GRHL2: variants seen among roughly 807,000 people sequenced by gnomAD.
The protein encoded by GRHL2 is grainyhead-like protein 2 homolog.
Under a neutral mutation model 83.8 loss-of-function variants are expected in GRHL2, and 21 were observed. That is an observed-to-expected ratio of 0.25 (90% CI 0.18 to 0.36). The LOEUF (loss-of-function observed/expected upper bound fraction) is 0.36, where lower values mean the gene tolerates loss of function less well. Among genes scored for constraint, GRHL2 ranks in the 10% least tolerant of loss-of-function variants. The pLI is 1.00. For synonymous variants in GRHL2, 280 were observed against 278.9 expected (o/e 1.00, Z -0.04); for missense variants, 623 against 781.8 (o/e 0.80, Z 2.42).
intron 1 of GRHL2, among the ~76,000 whole-genome samples, chr8:101,533,490 C>T (rs150623423): frequency 7.2e-5 from 11 of 152,238 alleles, no homozygotes; most frequent in Non-Finnish European, 1.5e-4. Context: ...TATTCATGAA[C>T]AAAACAACCC....
intron 7 of GRHL2, among the ~76,000 whole-genome samples, chr8:101,579,955 A>G (rs1234286284): frequency 6.6e-6 from 1 of 152,204 alleles, no homozygotes; most frequent in Non-Finnish European, 1.5e-5. Flanking sequence ...CTAATGGCCT[A>G]AAAAATAAAA....
chr8:101,517,782 TC>T (rs1472653526), intron 1 of GRHL2, among the ~76,000 whole-genome samples: 1 of 152,192 alleles, frequency 6.6e-6, no homozygotes, highest in Non-Finnish European at 1.5e-5. Context: ...CAGCTATAGT[TC>T]CTAGAAAGCT....
chr8:101,582,670 G>A (rs143636977), intron 7 of GRHL2, among the ~76,000 whole-genome samples: 1,689 of 152,254 alleles, frequency 0.011, 21 homozygotes, highest in Non-Finnish European at 0.017. Context: ...AGAGCTGCAG[G>A]TAGAATGTTA....
At chr8:101,537,210 G>A (rs1249727590) in intron 1 of GRHL2, among the ~76,000 whole-genome samples, 2 of 152,026 alleles carry the variant, frequency 1.3e-5, no homozygotes, top group African/African-American at 4.8e-5. Context: ...ATGACAAAAG[G>A]ATTCTATGTA....
At position 101,545,870 on chromosome 8, in the gene GRHL2, A is replaced by ATTTTTTTTTTTTTT. The variant is rs1174568425; in HGVS notation, c.216+2451_216+2464dup. 2.8e-4 allele frequency among the ~76,000 whole-genome samples: 23 copies of ATTTTTTTTTTTTTT among 83,634 alleles called. 5 individuals are homozygous for ATTTTTTTTTTTTTT. The highest frequency in any genetic ancestry group is 2.1e-3 in the East Asian group (6 of 2,834). The allele number at this position is 83,634 out of a possible 152,430, so 54.9% of individuals were successfully genotyped here. A position where few individuals can be genotyped will look rare whatever the true frequency, so the allele number is the denominator to read the frequency against. On this transcript the variant is annotated intron_variant, in intron 2 of 15. Coordinates refer to ENST00000646743, the MANE Select transcript of GRHL2 (RefSeq NM_024915.4). The stretch of plus-strand genomic sequence containing the variant: ...GATCATTACAACTTCTCTTTGTAAC[A>ATTTTTTTTTTTTTT]TTTTTTTTTTTTTTTTTTTTTTTTT...
At chr8:101,675,606 A>G in the GRHL2 span, among the ~76,000 whole-genome samples, 5 of 152,180 alleles carry the variant, frequency 3.3e-5, no homozygotes, top group Admixed American at 3.3e-4. Context: ...GGTAGGAAGA[A>G]TCAATATCGT....
At chr8:101,534,180 C>A (rs550525749) in intron 1 of GRHL2, among the ~76,000 whole-genome samples, 147 of 152,312 alleles carry the variant, frequency 9.7e-4, no homozygotes, top group Admixed American at 2.0e-3. Context: ...CATTCATGAT[C>A]TCATGCACTT....
intron 8 of GRHL2, among the ~76,000 whole-genome samples, chr8:101,615,958 G>A (rs1398267828): frequency 3.3e-5 from 5 of 152,116 alleles, no homozygotes; most frequent in Non-Finnish European, 5.9e-5. Context: ...ATTGTAGTGG[G>A]CAAAATACTT....
chr8:101,676,792 C>G, the GRHL2 span, among the ~76,000 whole-genome samples: 1 of 152,120 alleles, frequency 6.6e-6, no homozygotes, highest in Admixed American at 6.5e-5. Flanking sequence ...TTCACAATAG[C>G]AAAGACTTGG....
At chr8:101,671,560 AC>A (rs765141038), downstream of GRHL2, among the ~76,000 whole-genome samples, 19 of 152,202 alleles carry the variant, frequency 1.2e-4, no homozygotes, top group Admixed American at 1.3e-4. Flanking sequence ...GGAGCCTACC[AC>A]AGCTCAAGGA....
Position 101,558,253 on chromosome 8 carries a change from T to C in GRHL2, c.285-166T>C, listed in dbSNP as rs555619746. On this transcript the variant is annotated intron_variant, in intron 3 of 15. Coordinates refer to ENST00000646743, the MANE Select transcript of GRHL2 (RefSeq NM_024915.4). ...CATGGCTCACTCGTGGTCCTACTTC[T>C]AGTGACGCAAGGATCCCATTGCGTT... Among the ~76,000 whole-genome samples the C allele has an allele frequency of 1.4e-4, 22 of 152,344 alleles. No individual in the cohort carries two copies. In the South Asian group the frequency reaches 2.9e-3, roughly 20 times the overall value.
chr8:101,519,242 TG>T (rs919179352), intron 1 of GRHL2, among the ~76,000 whole-genome samples: 1 of 152,022 alleles, frequency 6.6e-6, no homozygotes, highest in African/African-American at 2.4e-5. Context: ...AGGCTGATCT[TG>T]AACTCCTGGC....
chr8:101,492,842 G>A, intron 1 of GRHL2, 53 bp downstream of exon 1: 1 of 1,547,350 alleles, frequency 6.5e-7, no homozygotes. Context: ...TTGGGCTGAT[G>A]GCAACTGGTT....
At chr8:101,622,132 C>T (rs1354041886) in intron 9 of GRHL2, among the ~76,000 whole-genome samples, 4 of 152,050 alleles carry the variant, frequency 2.6e-5, no homozygotes, top group African/African-American at 9.7e-5. Context: ...CTTTGGGCAT[C>T]TAAGTAAATA....
At chr8:101,536,603 A>C (rs1811050019) in intron 1 of GRHL2, among the ~76,000 whole-genome samples, 1 of 152,192 alleles carries the variant, frequency 6.6e-6, no homozygotes, top group African/African-American at 2.4e-5. Flanking sequence ...TGCAGCCAAG[A>C]TTTGCACCCA....
chr8:101,548,178 C>T (rs1044367965), intron 2 of GRHL2, among the ~76,000 whole-genome samples: 4 of 152,018 alleles, frequency 2.6e-5, no homozygotes, highest in Admixed American at 2.6e-4. Context: ...TCCACCCACC[C>T]ACACACACAC....
At chr8:101,538,122 A>C (rs561109155) in intron 1 of GRHL2, among the ~76,000 whole-genome samples, 38 of 152,272 alleles carry the variant, frequency 2.5e-4, no homozygotes, top group African/African-American at 8.2e-4. Context: ...TTTGGATCCC[A>C]AGTGTCTTTA....
At chr8:101,666,455 C>G in intron 15 of GRHL2, 134 bp from the exon 16 acceptor site, 1 of 692,342 alleles carries the variant, frequency 1.4e-6, no homozygotes, top group Non-Finnish European at 2.7e-6. Flanking sequence ...TGCCTTGTGT[C>G]CTCTCTCCTC....
chr8:101,557,371 C>A (rs1198925153), intron 3 of GRHL2, among the ~76,000 whole-genome samples: 3 of 151,530 alleles, frequency 2.0e-5, no homozygotes, highest in Non-Finnish European at 2.9e-5. Flanking sequence ...ACTACAGGCG[C>A]ATGCCACTGT....
Sources: allele counts gnomAD v4.1 joint callset (sites outside exome capture counted in the v4.1 genomes callset), GRCh38; gene constraint gnomAD v4.1.1; transcripts MANE v1.5; gene names NCBI Gene and HGNC (gene_info 2026-07-23, HGNC 2026-07-21).